CDR2: variants seen among roughly 807,000 people sequenced by gnomAD.
CDR2 encodes cerebellar degeneration related protein 2.
Under a neutral mutation model 48.4 loss-of-function variants are expected in CDR2, and 34 were observed. The observed-to-expected ratio is 0.70, with a 90% confidence interval of 0.53 to 0.94. The LOEUF (loss-of-function observed/expected upper bound fraction) is 0.94. Among genes scored for constraint, CDR2 ranks in the 40% least tolerant of loss-of-function variants. The pLI is 0.00. For synonymous variants in CDR2, 240 were observed against 219.7 expected (o/e 1.09, Z -0.82); for missense variants, 498 against 549.5 (o/e 0.91, Z 0.94).
chr16:22,370,292 A>G (rs2049067565), intron 1 of CDR2, among the ~76,000 whole-genome samples: 1 of 152,204 alleles, frequency 6.6e-6, no homozygotes, highest in African/African-American at 2.4e-5. Flanking sequence ...ACCTGAATAT[A>G]AATATCAAGA....
At chr16:22,368,137 T>C (rs34264397) in intron 1 of CDR2, among the ~76,000 whole-genome samples, 3,208 of 152,346 alleles carry the variant, frequency 0.021, 62 homozygotes, top group Admixed American at 0.05. Flanking sequence ...AAATAACTTG[T>C]ATTTACAAAA....
At chr16:22,357,135 G>T (rs2048980222) in intron 2 of CDR2, among the ~76,000 whole-genome samples, 1 of 151,984 alleles carries the variant, frequency 6.6e-6, no homozygotes, top group Non-Finnish European at 1.5e-5. Flanking sequence ...TGCAATCTTG[G>T]TCTCCCAGGT....
rs538370136 is a variant in CDR2, at chr16:22,362,838, C to T, written c.192+2064G>A. 5.9e-5 allele frequency among the ~76,000 whole-genome samples: 9 copies of T among 152,314 alleles called. 1 individual carries two copies. In the South Asian group the frequency reaches 1.2e-3, roughly 21 times the overall value. On this transcript the variant is annotated intron_variant, in intron 2 of 4. Transcript: ENST00000268383. ...CTAGCCTCAAGCAATTCTTCCACTT[C>T]GGCCTCCCAAAGTGCTGGGATTATA...
At chr16:22,360,386 G>T (rs577578159) in intron 2 of CDR2, among the ~76,000 whole-genome samples, 1 of 151,994 alleles carries the variant, frequency 6.6e-6, no homozygotes, top group African/African-American at 2.4e-5. Context: ...TCACATAAAA[G>T]GAAATTTTTG....
chr16:22,348,058 C>T (rs2048919364), intron 4 of CDR2, among the ~76,000 whole-genome samples: 1 of 152,182 alleles, frequency 6.6e-6, no homozygotes, highest in Admixed American at 6.5e-5. Flanking sequence ...CTGCCTCAGC[C>T]TCCCGAGTAA....
At chr16:22,372,452 G>A (rs2049084837) in intron 1 of CDR2, among the ~76,000 whole-genome samples, 1 of 152,158 alleles carries the variant, frequency 6.6e-6, no homozygotes, top group Non-Finnish European at 1.5e-5. Context: ...TATGCTAGAT[G>A]CTGGAAACAC....
Position 22,347,573 on chromosome 16 carries a change from C to A in CDR2, c.757G>T (p.Glu253Ter). The change falls in exon 5 of 5, where the codon GAG (glutamate) becomes TAG (stop). Residue 253 changes from glutamate (E) to a stop codon, truncating the protein, a stop_gained. Transcript: ENST00000268383. LOFTEE classifies it high-confidence loss of function. ...AACATCTGTCGCATCTCTGCCACCT[C>A]GGCCTCTAGTTCCAGCGCCCGTGCT... is the stretch of plus-strand genomic sequence containing the variant. ...YRARALELEAEVAEMRQMLQS... is the reference protein window; with the variant it reads ...YRARALELEA 1 of 1,614,136 alleles carries A rather than the reference C, an allele frequency of 6.2e-7. No individual in the cohort carries two copies. The highest frequency in any genetic ancestry group is 8.5e-7 in the Non-Finnish European group (1 of 1,180,038).
chr16:22,358,577 C>A (rs1429963222), intron 2 of CDR2, among the ~76,000 whole-genome samples: 1 of 152,078 alleles, frequency 6.6e-6, no homozygotes, highest in Non-Finnish European at 1.5e-5. Flanking sequence ...ACAAACGACC[C>A]CAAGTAAAAA....
chr16:22,363,338 T>C (rs1471689473), intron 2 of CDR2, among the ~76,000 whole-genome samples: 3 of 152,176 alleles, frequency 2.0e-5, no homozygotes, highest in African/African-American at 4.8e-5. Flanking sequence ...TTCAATATCA[T>C]TGCAAGCCAT....
intron 1 of CDR2, among the ~76,000 whole-genome samples, chr16:22,370,469 T>C (rs900187118): frequency 3.9e-5 from 6 of 152,156 alleles, no homozygotes; most frequent in African/African-American, 1.4e-4. Flanking sequence ...TTTGCACAGC[T>C]CACCAAATGA....
intron 2 of CDR2, among the ~76,000 whole-genome samples, chr16:22,361,762 T>C (rs2049011783): frequency 6.6e-6 from 1 of 152,022 alleles, no homozygotes; most frequent in South Asian, 2.1e-4. Context: ...GGATAAAGAG[T>C]AAAATACTGC....
rs1598298735 is a variant in CDR2 at position 22,373,790 on chromosome 16, A to G, written c.79+441T>C. Among the ~76,000 whole-genome samples the G allele has an allele frequency of 3.3e-5, 5 of 152,346 alleles. No homozygotes were observed. In the South Asian group the frequency reaches 1.0e-3, roughly 32 times the overall value. Reference sequence around the variant, plus strand: ...AGCGCACAGCTCCCGCTACGCCGCAAAACAACTACCACCTGCAGCAGCCGG... The same window carrying G: ...AGCGCACAGCTCCCGCTACGCCGCAGAACAACTACCACCTGCAGCAGCCGG... On this transcript the variant is annotated intron_variant, in intron 1 of 4. Transcript: ENST00000268383.
At chr16:22,361,546 T>C (rs929802696) in intron 2 of CDR2, among the ~76,000 whole-genome samples, 3 of 152,222 alleles carry the variant, frequency 2.0e-5, no homozygotes, top group African/African-American at 7.2e-5. Flanking sequence ...CCAGGCACAG[T>C]TGTGATGGAG....
intron 1 of CDR2, among the ~76,000 whole-genome samples, chr16:22,372,682 C>T (rs2049086344): frequency 6.6e-6 from 1 of 152,132 alleles, no homozygotes; most frequent in African/African-American, 2.4e-5. Flanking sequence ...ATAAATTTGT[C>T]TCTTGGACAT....
chr16:22,356,518 C>T lies in CDR2; in HGVS notation c.193-6669G>A, dbSNP rs554377726. ...CTATAATCCCAGCACTTTGGGAGGCCGAGGCAGGTGGATCACCTGAGGTCA... is the reference window on the plus strand; with the variant it reads ...CTATAATCCCAGCACTTTGGGAGGCTGAGGCAGGTGGATCACCTGAGGTCA... On this transcript the variant is annotated intron_variant, in intron 2 of 4. Transcript: ENST00000268383. Among the ~76,000 whole-genome samples the T allele has an allele frequency of 7.9e-5, 12 of 152,138 alleles. 1 individual carries two copies. The highest frequency in any genetic ancestry group is 7.7e-4 in the East Asian group (4 of 5,172).
At chr16:22,358,422 T>C (rs555773168) in intron 2 of CDR2, among the ~76,000 whole-genome samples, 1 of 152,292 alleles carries the variant, frequency 6.6e-6, no homozygotes, top group East Asian at 1.9e-4. Flanking sequence ...CAACTATGAG[T>C]ACAAGGTTCC....
At chr16:22,355,280 T>C (rs1261863605) in intron 2 of CDR2, among the ~76,000 whole-genome samples, 1 of 152,244 alleles carries the variant, frequency 6.6e-6, no homozygotes, top group Non-Finnish European at 1.5e-5. Flanking sequence ...GAGATATCTT[T>C]GCCTTTTTTG....
intron 2 of CDR2, among the ~76,000 whole-genome samples, chr16:22,361,028 C>T (rs777986376): frequency 1.3e-5 from 2 of 152,104 alleles, no homozygotes; most frequent in Non-Finnish European, 1.5e-5. Flanking sequence ...GGATTACAGG[C>T]GTGAGCCACT....
intron 2 of CDR2, among the ~76,000 whole-genome samples, chr16:22,361,689 A>G (rs1033682418): frequency 6.6e-6 from 1 of 152,210 alleles, no homozygotes; most frequent in African/African-American, 2.4e-5. Context: ...GAAAAAAGAA[A>G]GTCAACTGTA....
Sources: gnomAD v4.1 joint callset for allele counts (sites outside exome capture counted in the v4.1 genomes callset) on GRCh38, gnomAD v4.1.1 for gene constraint, MANE v1.5 for transcripts, NCBI Gene and HGNC (gene_info 2026-07-23, HGNC 2026-07-21) for gene names.